KITLG: variants seen among roughly 807,000 people sequenced by gnomAD.
The protein encoded by KITLG is KIT ligand.
A neutral mutation model predicts 34.1 loss-of-function variants in KITLG; 13 were observed. The observed-to-expected ratio is 0.38, with a 90% CI of 0.25 to 0.61. The LOEUF (loss-of-function observed/expected upper bound fraction) is 0.61. Among genes scored for constraint, KITLG ranks in the 20% least tolerant of loss-of-function variants. The probability of loss-of-function intolerance (pLI) is 0.60; values close to 1 mark genes in which losing one functional copy is unlikely to be tolerated. For synonymous variants in KITLG, 110 were observed against 104.0 expected (o/e 1.06, Z -0.35); for missense variants, 292 against 318.9 (o/e 0.92, Z 0.64).
At chr12:88,501,883 G>A (rs1868873405) in intron 9 of KITLG, among the ~76,000 whole-genome samples, 1 of 151,972 alleles carries the variant, frequency 6.6e-6, no homozygotes, top group Non-Finnish European at 1.5e-5. Context: ...CACAGTATAA[G>A]TGACATTGTT....
intron 1 of KITLG, among the ~76,000 whole-genome samples, chr12:88,573,133 T>G (rs1404252790): frequency 6.6e-6 from 1 of 152,158 alleles, no homozygotes; most frequent in East Asian, 1.9e-4. Context: ...TAGATCACAT[T>G]AGAAACAATT....
At chr12:88,510,674 A>G (rs1481465194) in intron 6 of KITLG, among the ~76,000 whole-genome samples, 5 of 152,256 alleles carry the variant, frequency 3.3e-5, no homozygotes, top group African/African-American at 7.2e-5. Flanking sequence ...TGCTATAAAC[A>G]TAATTCCCTT....
chr12:88,568,450 A>G (rs1871526681), intron 1 of KITLG, among the ~76,000 whole-genome samples: 1 of 152,042 alleles, frequency 6.6e-6, no homozygotes, highest in South Asian at 2.1e-4. Context: ...ATAAACCACC[A>G]TGCCCAGACT....
intron 2 of KITLG, among the ~76,000 whole-genome samples, chr12:88,538,102 G>A (rs949962546): frequency 2.0e-5 from 3 of 152,094 alleles, no homozygotes; most frequent in Admixed American, 2.0e-4. Context: ...GTTAGGCATG[G>A]TATGTGAATG....
In KITLG at chr12:88,498,063, A is replaced by G. The variant is rs1245684373; in HGVS notation, c.*38-882T>C. On this transcript the variant is annotated intron_variant, in intron 9 of 9. Coordinates refer to ENST00000644744, the MANE Select transcript of KITLG (RefSeq NM_000899.5). ...TAATCTACTAGCTTTCAGATGTTTC[A>G]ACTTTCCAGTAAAGTATTTGTATTT... Among the ~76,000 whole-genome samples, 6 of 152,182 alleles carry G rather than the reference A, an allele frequency of 3.9e-5. No homozygotes were observed. In the East Asian group the frequency reaches 1.2e-3, roughly 29 times the overall value.
intron 2 of KITLG, among the ~76,000 whole-genome samples, chr12:88,537,620 A>G (rs1870374882): frequency 6.6e-6 from 1 of 152,174 alleles, no homozygotes; most frequent in Non-Finnish European, 1.5e-5. Flanking sequence ...TGCTGAATCA[A>G]AAATAATAGT....
chr12:88,513,828 C>T (rs1299231226), intron 6 of KITLG, among the ~76,000 whole-genome samples: 1 of 151,582 alleles, frequency 6.6e-6, no homozygotes, highest in Non-Finnish European at 1.5e-5. Context: ...TTAATATTTT[C>T]AATTCCCTTT....
chr12:88,507,672 A>C (rs1195382248), intron 6 of KITLG, among the ~76,000 whole-genome samples: 3 of 152,262 alleles, frequency 2.0e-5, no homozygotes, highest in African/African-American at 7.2e-5. Context: ...CCACGTTCAT[A>C]TCTTCAACAC....
chr12:88,566,210 C>T (rs1871437749), intron 1 of KITLG, among the ~76,000 whole-genome samples: 1 of 152,196 alleles, frequency 6.6e-6, no homozygotes, highest in Admixed American at 6.5e-5. Flanking sequence ...CATGCAGTTT[C>T]ATGTGTCTGC....
Position 88,507,152 on chromosome 12 carries a change from A to G in KITLG, c.605-15T>C, listed in dbSNP as rs1432311715. 6.9e-7 allele frequency: 1 copy of G among 1,458,982 alleles called. No homozygotes were observed. The highest frequency in any genetic ancestry group is 1.1e-5 in the South Asian group (1 of 87,998). 90.4% of individuals were successfully genotyped at this position (1,458,982 alleles called of 1,614,324 possible). On this transcript the variant is annotated splice_polypyrimidine_tract_variant and intron_variant, in intron 6 of 9. Coordinates refer to ENST00000644744, the MANE Select transcript of KITLG (RefSeq NM_000899.5). ...TTTGGCCTTCCCTATAATTTAAAGA[A>G]CACACTGATGAATACAGCATATCCA...
intron 9 of KITLG, among the ~76,000 whole-genome samples, chr12:88,502,242 G>C (rs1402897621): frequency 6.6e-6 from 1 of 152,034 alleles, no homozygotes; most frequent in Non-Finnish European, 1.5e-5. Flanking sequence ...CTTTAACCTG[G>C]CTAATGTGAT....
chr12:88,514,527 A>G (rs1472949924), intron 6 of KITLG, among the ~76,000 whole-genome samples: 1 of 151,710 alleles, frequency 6.6e-6, no homozygotes, highest in East Asian at 1.9e-4. Flanking sequence ...CACATAATGT[A>G]TAACATATAC....
At chr12:88,548,298 A>C (rs1308477250) in intron 1 of KITLG, among the ~76,000 whole-genome samples, 1 of 152,190 alleles carries the variant, frequency 6.6e-6, no homozygotes, top group Non-Finnish European at 1.5e-5. Flanking sequence ...TACTAAAAAT[A>C]CAAAAATTAG....
intron 1 of KITLG, among the ~76,000 whole-genome samples, chr12:88,554,549 G>C (rs1268917432): frequency 1.3e-5 from 2 of 152,152 alleles, no homozygotes; most frequent in African/African-American, 4.8e-5. Context: ...TTTTGGAAGA[G>C]AGCCAACTGG....
intron 1 of KITLG, among the ~76,000 whole-genome samples, chr12:88,564,906 G>C (rs1871397246): frequency 6.6e-6 from 1 of 152,182 alleles, no homozygotes; most frequent in African/African-American, 2.4e-5. Context: ...TAAAGCAGTA[G>C]TATTACTGCC....
Position 88,510,365 on chromosome 12 carries a change from G to A in KITLG, c.605-3228C>T, listed in dbSNP as rs190842439. 7.2e-5 allele frequency among the ~76,000 whole-genome samples: 11 copies of A among 152,160 alleles called. No homozygotes were observed. The East Asian group carries it at 2.1e-3, about 29-fold the overall frequency. ...TCTCATTGTTCTAGTACTTAATGAT[G>A]AACTCTTATAAGACATCAGTTATGT... is the stretch of plus-strand genomic sequence containing the variant. On this transcript the variant is annotated intron_variant, in intron 6 of 9. Coordinates refer to ENST00000644744, the MANE Select transcript of KITLG (RefSeq NM_000899.5).
chr12:88,563,773 C>A (rs1439716528), intron 1 of KITLG, among the ~76,000 whole-genome samples: 1 of 152,084 alleles, frequency 6.6e-6, no homozygotes, highest in Non-Finnish European at 1.5e-5. Context: ...CCAGCCTGGC[C>A]AACATGGGGA....
chr12:88,534,790 G>A (rs1052641317), intron 2 of KITLG: 3 of 420,634 alleles, frequency 7.1e-6, no homozygotes, highest in Non-Finnish European at 1.4e-5. Context: ...TTTCCACCAA[G>A]CTTCCATAAT....
intron 3 of KITLG, among the ~76,000 whole-genome samples, chr12:88,521,096 TTG>T (rs1869640454): frequency 4.6e-5 from 7 of 152,314 alleles, no homozygotes; most frequent in Admixed American, 3.3e-4. Context: ...TTATTTTTGC[TTG>T]TGCTATTGTT....
Sources: allele counts gnomAD v4.1 joint callset (sites outside exome capture counted in the v4.1 genomes callset), GRCh38; gene constraint gnomAD v4.1.1; transcripts MANE v1.5; gene names NCBI Gene and HGNC (gene_info 2026-07-23, HGNC 2026-07-21).